MYO7A: variants seen among roughly 807,000 people sequenced by gnomAD.
MYO7A encodes unconventional myosin-VIIa.
MYO7A carries 210 observed loss-of-function variants against 263.8 expected under a neutral mutation model. The ratio of observed to expected loss-of-function variants is 0.80; its 90% CI spans 0.71 to 0.89. The LOEUF (loss-of-function observed/expected upper bound fraction) is 0.89, where lower values mean the gene tolerates loss of function less well. MYO7A is among the 40% of genes least tolerant of loss of function. The pLI, the probability that MYO7A is intolerant of heterozygous loss-of-function variation, is 0.00. For missense variants in MYO7A, 2,820 were observed against 2,968.3 expected, an observed-to-expected ratio of 0.95 and a Z score of 1.16; for synonymous variants, 1,239 against 1,197.3, an observed-to-expected ratio of 1.03 and a Z score of -0.72.
intron 5 of MYO7A, 76 bp from the exon 6 acceptor site, chr11:77,156,584 G>T (rs560245918): frequency 9.0e-5 from 143 of 1,592,258 alleles, no homozygotes; most frequent in Non-Finnish European, 3.6e-5. Context: ...GGTGGATGGT[G>T]CAGCCTGGGC....
chr11:77,165,297 C>T (rs1555071758), intron 14 of MYO7A, among the ~76,000 whole-genome samples: 1 of 152,206 alleles, frequency 6.6e-6, no homozygotes, highest in African/African-American at 2.4e-5. Context: ...ATCTGCAGTC[C>T]TTGGACACCC....
At position 77,161,038 on chromosome 11, in the gene MYO7A, C is replaced by T. The variant is rs782191579; in HGVS notation, c.1266C>T (p.Pro422=). The T allele has an allele frequency of 9.3e-6, 15 of 1,613,742 alleles. No homozygotes were observed. The East Asian group carries it at 3.3e-4, about 36-fold the overall frequency. The stretch of plus-strand genomic sequence containing the variant: ...TCAACGCAGCAATTTACAAGCCTCC[C>T]TCCCAGGATGTGAAGAACTCTCGCA... The part of the protein sequence containing the change: ...DKINAAIYKP[P]SQDVKNSRRS... Residue 422 remains proline (P), a synonymous_variant, in exon 12 of 49, where the codon CCC becomes CCT. Transcript: ENST00000409709.
chr11:77,187,031 G>C (rs1220156784), intron 27 of MYO7A, among the ~76,000 whole-genome samples: 1 of 152,170 alleles, frequency 6.6e-6, no homozygotes, highest in Non-Finnish European at 1.5e-5. Flanking sequence ...TGAGGAGAGG[G>C]AGTGAGATGG....
At chr11:77,188,492 G>T (rs1555089602) in intron 27 of MYO7A, among the ~76,000 whole-genome samples, 2 of 152,204 alleles carry the variant, frequency 1.3e-5, no homozygotes, top group Non-Finnish European at 2.9e-5. Flanking sequence ...GGTAATCCCA[G>T]CCATCCTTTG....
intron 32 of MYO7A, among the ~76,000 whole-genome samples, chr11:77,194,965 T>C (rs1218646985): frequency 1.3e-5 from 2 of 152,034 alleles, no homozygotes; most frequent in Non-Finnish European, 2.9e-5. Context: ...CAGCCATGAG[T>C]GGTTCCCTCC....
chr11:77,160,344 G>A (rs1952879922), intron 11 of MYO7A, 62 bp downstream of exon 11: 1 of 1,523,400 alleles, frequency 6.6e-7, no homozygotes. Context: ...GCTCTTGATG[G>A]GCAGGTGCCA....
intron 16 of MYO7A, 47 bp downstream of exon 16, chr11:77,172,932 T>C: frequency 1.3e-6 from 2 of 1,523,408 alleles, no homozygotes; most frequent in Non-Finnish European, 1.8e-6. Context: ...TAGGGTGACG[T>C]GGAGGAGCTA....
intron 35 of MYO7A, among the ~76,000 whole-genome samples, chr11:77,200,890 G>A (rs549121488): frequency 2.0e-5 from 3 of 152,330 alleles, no homozygotes; most frequent in East Asian, 3.9e-4. Flanking sequence ...CTGGCCAAGT[G>A]TGGGAAAGAC....
At chr11:77,177,131 G>A (rs991066470) in intron 18 of MYO7A, among the ~76,000 whole-genome samples, 7 of 152,140 alleles carry the variant, frequency 4.6e-5, no homozygotes, top group African/African-American at 1.7e-4. Flanking sequence ...GGAGCCAGGA[G>A]GCCGCGAGAC....
intron 26 of MYO7A, among the ~76,000 whole-genome samples, chr11:77,184,240 A>G (rs541543965): frequency 6.6e-6 from 1 of 152,236 alleles, no homozygotes; most frequent in Non-Finnish European, 1.5e-5. Flanking sequence ...GGGGCACCCC[A>G]GAGAGATAGG....
intron 36 of MYO7A, 63 bp downstream of exon 36, chr11:77,201,701 C>A (rs1957075167): frequency 6.6e-7 from 1 of 1,521,734 alleles, no homozygotes; most frequent in Admixed American, 1.7e-5. Flanking sequence ...TGTCCACTTC[C>A]CACAGCTGTA....
At chr11:77,164,352 T>C (rs1388257700) in intron 14 of MYO7A, among the ~76,000 whole-genome samples, 2 of 151,666 alleles carry the variant, frequency 1.3e-5, no homozygotes, top group Non-Finnish European at 2.9e-5. Context: ...CCATGCATAG[T>C]CAAAGGCCAA....
rs749598236 is a variant in MYO7A, at chr11:77,199,624, C to T, written c.4658C>T (p.Pro1553Leu). The T allele has an allele frequency of 1.2e-6, 2 of 1,608,584 alleles. No homozygotes were observed. The highest frequency in any genetic ancestry group is 1.7e-6 in the Non-Finnish European group (2 of 1,178,066). The change falls in exon 35 of 49, where the codon CCC becomes CTC. Residue 1553 changes from proline to leucine, a missense_variant. By Grantham distance (98) the Pro-to-Leu change is moderately conservative (BLOSUM62 -3). Transcript: ENST00000409709. ...SGWAGLTPAG[P>L]CSPCWSCRGA... ...TGGGCAGGACTGACCCCGGCGGGGC[C>T]CTGTTCTCCGTGTTGGTCCTGCAGG...
chr11:77,140,904 A>G (rs1951171093), intron 2 of MYO7A, among the ~76,000 whole-genome samples: 1 of 152,186 alleles, frequency 6.6e-6, no homozygotes, highest in Non-Finnish European at 1.5e-5. Context: ...ACATGAAGAG[A>G]GGGTCCACAG....
chr11:77,184,840 G>A, intron 27 of MYO7A, 125 bp downstream of exon 27: 11 of 1,450,764 alleles, frequency 7.6e-6, no homozygotes, highest in Middle Eastern at 1.7e-4. Flanking sequence ...TAGCTAGTTG[G>A]TGGAGTTAGG....
chr11:77,149,139 C>T (rs941459860), intron 4 of MYO7A, among the ~76,000 whole-genome samples: 8 of 152,192 alleles, frequency 5.3e-5, no homozygotes, highest in South Asian at 4.1e-4. Flanking sequence ...GTGCCGTGCC[C>T]GGGTCACTGC....
At chr11:77,204,282 G>A (rs1056258782) in intron 39 of MYO7A, 53 bp downstream of exon 39, 2 of 1,545,008 alleles carry the variant, frequency 1.3e-6, no homozygotes, top group Non-Finnish European at 1.8e-6. Context: ...GCTGTGACGG[G>A]CAGCTCTTAC....
intron 5 of MYO7A, among the ~76,000 whole-genome samples, chr11:77,156,449 A>T (rs1389799906): frequency 6.6e-6 from 1 of 152,236 alleles, no homozygotes; most frequent in Non-Finnish European, 1.5e-5. Flanking sequence ...TATGACAAGT[A>T]TGGATGCAGG....
intron 4 of MYO7A, among the ~76,000 whole-genome samples, chr11:77,148,445 A>AAC (rs376512045): frequency 2.0e-5 from 3 of 152,018 alleles, no homozygotes; most frequent in Non-Finnish European, 4.4e-5. Flanking sequence ...TGATATTAGA[A>AAC]ACACACACAC....
Sources: allele counts gnomAD v4.1 joint callset (sites outside exome capture counted in the v4.1 genomes callset), GRCh38; gene constraint gnomAD v4.1.1; transcripts MANE v1.5; gene names NCBI Gene and HGNC (gene_info 2026-07-23, HGNC 2026-07-21).